Variants in CEP63 observed in about 807,000 individuals in gnomAD.
The protein encoded by CEP63 is centrosomal protein 63.
CEP63 carries 84 observed loss-of-function variants against 89.1 expected under a neutral mutation model. That is an observed-to-expected ratio of 0.94 (90% CI 0.79 to 1.13). The LOEUF is 1.13. Among genes scored for constraint, CEP63 ranks in the 50% most tolerant of loss-of-function variants. CEP63 has a pLI of 0.00. For missense variants in CEP63, 838 were observed against 813.3 expected (o/e 1.03, Z -0.37); for synonymous variants, 267 against 272.5 (o/e 0.98, Z 0.20).
the CEP63 span, among the ~76,000 whole-genome samples, chr3:134,602,486 C>G: frequency 6.6e-6 from 1 of 152,172 alleles, no homozygotes; most frequent in African/African-American, 2.4e-5. Flanking sequence ...AAGCTGCTCT[C>G]GTGCAGCTGG....
the CEP63 span, among the ~76,000 whole-genome samples, chr3:134,770,086 C>T: frequency 1.8e-3 from 268 of 152,322 alleles, 1 homozygote; most frequent in African/African-American, 5.8e-3. Flanking sequence ...CCAGCAAGGG[C>T]GTGGTGGTCT....
the CEP63 span, among the ~76,000 whole-genome samples, chr3:134,645,957 A>C: frequency 6.6e-6 from 1 of 152,212 alleles, no homozygotes; most frequent in Non-Finnish European, 1.5e-5. Context: ...CTCCTGATGT[A>C]ATAACATGCC....
chr3:134,640,270 C>T, the CEP63 span, among the ~76,000 whole-genome samples: 1 of 152,272 alleles, frequency 6.6e-6, no homozygotes, highest in South Asian at 2.1e-4. Context: ...TGGTCCCTGT[C>T]CTGTATGGAA....
the CEP63 span, chr3:134,627,850 A>G: frequency 7.7e-6 from 12 of 1,564,348 alleles, no homozygotes; most frequent in Non-Finnish European, 1.1e-5. Context: ...AAGTATAGAT[A>G]CTTCAGAAGA....
At chr3:134,719,111 G>A in the CEP63 span, among the ~76,000 whole-genome samples, 3 of 152,070 alleles carry the variant, frequency 2.0e-5, no homozygotes, top group Non-Finnish European at 4.4e-5. Flanking sequence ...TGCTCTTCAA[G>A]GTGTGGTACA....
At chr3:134,758,541 G>A in the CEP63 span, among the ~76,000 whole-genome samples, 27 of 152,334 alleles carry the variant, frequency 1.8e-4, no homozygotes, top group East Asian at 4.6e-3. Flanking sequence ...GTTCACACAT[G>A]AGAAACCTAA....
At chr3:134,561,274 A>C (rs1417525773) in intron 14 of CEP63, 103 bp from the exon 15 acceptor site, 1 of 1,226,402 alleles carries the variant, frequency 8.2e-7, no homozygotes, top group Non-Finnish European at 1.2e-6. Context: ...AGAGGAAAAA[A>C]ATCACCTTTT....
chr3:134,671,765 G>C, the CEP63 span, among the ~76,000 whole-genome samples: 1 of 152,198 alleles, frequency 6.6e-6, no homozygotes, highest in African/African-American at 2.4e-5. Flanking sequence ...GGTGGGGGTG[G>C]CCTGAATGAA....
the CEP63 span, chr3:134,651,366 AG>A: frequency 3.5e-6 from 4 of 1,130,474 alleles, no homozygotes; most frequent in African/African-American, 5.0e-5. Context: ...CGGTCTCCGG[AG>A]GGTTCTCGAG....
At chr3:134,760,563 G>A in the CEP63 span, among the ~76,000 whole-genome samples, 1 of 152,200 alleles carries the variant, frequency 6.6e-6, no homozygotes, top group Admixed American at 6.5e-5. Context: ...TGTGGTAGAA[G>A]AAAGGGTTAC....
intron 1 of CEP63, among the ~76,000 whole-genome samples, chr3:134,489,198 A>G (rs1311611200): frequency 6.6e-6 from 1 of 151,604 alleles, no homozygotes; most frequent in Non-Finnish European, 1.5e-5. Context: ...CCTAACTTGC[A>G]TTAGCCACAT....
At chr3:134,656,766 C>A in the CEP63 span, among the ~76,000 whole-genome samples, 1 of 152,096 alleles carries the variant, frequency 6.6e-6, no homozygotes, top group Non-Finnish European at 1.5e-5. Context: ...AGGGCCACGC[C>A]CCAGCTCAGT....
the CEP63 span, among the ~76,000 whole-genome samples, chr3:134,656,268 G>A: frequency 6.6e-6 from 1 of 152,190 alleles, no homozygotes; most frequent in Non-Finnish European, 1.5e-5. Flanking sequence ...GCAAGAAGGA[G>A]CCTGAGCAGG....
At chr3:134,727,352 A>G in the CEP63 span, among the ~76,000 whole-genome samples, 1 of 152,228 alleles carries the variant, frequency 6.6e-6, no homozygotes, top group Non-Finnish European at 1.5e-5. Context: ...GTGGGTGATC[A>G]GTTAGCAAAA....
chr3:134,606,962 A>G, the CEP63 span: 1 of 985,314 alleles, frequency 1.0e-6, no homozygotes, highest in South Asian at 4.7e-5. Flanking sequence ...CTCTCTTAAC[A>G]GAACTAGCTA....
chr3:134,730,416 C>A, the CEP63 span, among the ~76,000 whole-genome samples: 1 of 152,178 alleles, frequency 6.6e-6, no homozygotes, highest in African/African-American at 2.4e-5. Context: ...AACATAATTT[C>A]CATGTAAGTA....
rs186533638 is a variant in CEP63, at chr3:134,584,732, G to T, written c.1207-2726G>T. ...AGGATCCCCTCTTTTTCTATTGATT[G>T]GAATAGTTTCAGAAGAAATGGTACC... On this transcript the variant is annotated intron_variant, in intron 10 of 10. Coordinates refer to the CEP63 transcript ENST00000683931. 5.6e-3 allele frequency among the ~76,000 whole-genome samples: 853 copies of T among 152,132 alleles called. 11 individuals carry two copies. Among genetic ancestry groups the T allele is most frequent in the African/African-American group, 0.02 (812 of 41,490 alleles).
chr3:134,510,251 G>A (rs1484684103), intron 3 of CEP63, among the ~76,000 whole-genome samples: 2 of 152,202 alleles, frequency 1.3e-5, no homozygotes, highest in Non-Finnish European at 2.9e-5. Context: ...CATTTTAGAA[G>A]CGTACTATAA....
the CEP63 span, among the ~76,000 whole-genome samples, chr3:134,705,835 T>A: frequency 6.6e-6 from 1 of 152,338 alleles, no homozygotes; most frequent in South Asian, 2.1e-4. Flanking sequence ...GAGGTATGAA[T>A]TTCTTCTTTT....
Sources: gnomAD v4.1 joint callset for allele counts (sites outside exome capture counted in the v4.1 genomes callset) on GRCh38, gnomAD v4.1.1 for gene constraint, MANE v1.5 for transcripts, NCBI Gene and HGNC (gene_info 2026-07-23, HGNC 2026-07-21) for gene names.